Variants in INTS3 observed in about 807,000 individuals in gnomAD.
The protein encoded by INTS3 is SOSS complex subunit A.
In INTS3, 34 loss-of-function variants were observed where a neutral mutation model predicts 146.3. The observed-to-expected ratio is 0.23, with a 90% confidence interval of 0.18 to 0.31. The LOEUF (loss-of-function observed/expected upper bound fraction) is 0.31, where lower values mean the gene tolerates loss of function less well. INTS3 is among the 10% of genes least tolerant of loss of function. The pLI is 1.00. For synonymous variants in INTS3, 475 were observed against 494.9 expected, an observed-to-expected ratio of 0.96 and a Z score of 0.53; for missense variants, 757 against 1,304.2, an observed-to-expected ratio of 0.58 and a Z score of 6.46.
chr1:153,743,218 C>T (rs1671604575), intron 3 of INTS3, among the ~76,000 whole-genome samples: 1 of 152,310 alleles, frequency 6.6e-6, no homozygotes, highest in Non-Finnish European at 1.5e-5. Context: ...TGTAATGCAT[C>T]ATTTTAGGCT....
chr1:153,759,646 C>A, intron 11 of INTS3, 33 bp downstream of exon 11: 2 of 1,399,024 alleles, frequency 1.4e-6, no homozygotes, highest in Non-Finnish European at 1.0e-6. Context: ...CTCCACTTCC[C>A]CATCCCCCTA....
intron 20 of INTS3, chr1:153,767,338 C>T (rs1168617514): frequency 1.2e-5 from 3 of 250,010 alleles, no homozygotes; most frequent in African/African-American, 2.2e-5. Flanking sequence ...TCACTGCCCT[C>T]ATGGTTAGAG....
chr1:153,754,864 T>C, intron 9 of INTS3, 125 bp downstream of exon 9: 2 of 698,396 alleles, frequency 2.9e-6, no homozygotes, highest in Non-Finnish European at 5.2e-6. Context: ...GTACCTGATC[T>C]ACCTGGCTAC....
chr1:153,758,103 G>A (rs542494446), intron 10 of INTS3, among the ~76,000 whole-genome samples: 13 of 152,118 alleles, frequency 8.5e-5, no homozygotes, highest in Non-Finnish European at 1.8e-4. Context: ...TTCAGAGCTT[G>A]CATTCTTTAG....
intron 8 of INTS3, among the ~76,000 whole-genome samples, chr1:153,752,809 A>C (rs1429579908): frequency 1.3e-5 from 2 of 152,142 alleles, no homozygotes; most frequent in African/African-American, 4.8e-5. Flanking sequence ...TAGTCCTGTA[A>C]GAGAAGGCCC....
intron 1 of INTS3, among the ~76,000 whole-genome samples, chr1:153,735,585 C>CTT: frequency 6.6e-6 from 1 of 152,178 alleles, no homozygotes; most frequent in South Asian, 2.1e-4. Flanking sequence ...TGTGCCACTC[C>CTT]TTGTTCACCA....
At chr1:153,771,039 C>A (rs1048098838) in intron 25 of INTS3, among the ~76,000 whole-genome samples, 4 of 151,918 alleles carry the variant, frequency 2.6e-5, no homozygotes, top group South Asian at 4.2e-4. Flanking sequence ...CCCGCCGCGC[C>A]CCCCCCACCG....
At position 153,746,992 on chromosome 1, in the gene INTS3, C is replaced by A; in HGVS notation, c.354C>A (p.Gly118=). The A allele has an allele frequency of 1.2e-6, 2 of 1,613,780 alleles. No homozygotes were observed. Among genetic ancestry groups the A allele is most frequent in the Non-Finnish European group, 1.7e-6 (2 of 1,179,746 alleles). The part of the protein sequence containing the change: ...YRDLALVSRD[G]MNIVLNKINQ... ...ACTTAGCTCTGGTGAGTCGTGATGGCATGAATATTGTCCTGAATAAAATCA... is the reference window on the plus strand; with the variant it reads ...ACTTAGCTCTGGTGAGTCGTGATGGAATGAATATTGTCCTGAATAAAATCA... Residue 118 remains glycine (G), a synonymous_variant, in exon 4 of 30, where the codon GGC becomes GGA. Transcript: ENST00000318967.
intron 20 of INTS3, chr1:153,767,449 T>G: frequency 2.2e-6 from 1 of 452,164 alleles, no homozygotes; most frequent in Non-Finnish European, 3.9e-6. Context: ...TGATCGTGGT[T>G]GGAGCCCTTT....
At position 153,769,740 on chromosome 1, in the gene INTS3, G is replaced by A. The variant is rs771718384; in HGVS notation, c.2314-29G>A. On this transcript the variant is annotated intron_variant, in intron 22 of 29. Transcript: ENST00000318967. ...TTCCTGGCCCCTTTCAGAGCTGATGGGTTCTGCCTCCTTCCTCCACCTCCT... is the reference window on the plus strand; with the variant it reads ...TTCCTGGCCCCTTTCAGAGCTGATGAGTTCTGCCTCCTTCCTCCACCTCCT... 3.9e-6 allele frequency: 6 copies of A among 1,520,434 alleles called. No homozygotes were observed. The Admixed American group carries it at 1.0e-4, about 25-fold the overall frequency. The allele number at this position is 1,520,434 out of a possible 1,614,324, so 94.2% of individuals were successfully genotyped here.
chr1:153,760,231 TCAAAAAAAAAAA>T, intron 11 of INTS3, 68 bp from the exon 12 acceptor site: 2 of 721,984 alleles, frequency 2.8e-6, no homozygotes, highest in South Asian at 3.6e-5. Context: ...AGACTCTGTT[TCAAAAAAAAAAA>T]AAAAAAAAAA....
chr1:153,748,839 G>A, intron 6 of INTS3, 84 bp downstream of exon 6: 1 of 1,113,460 alleles, frequency 9.0e-7, no homozygotes, highest in South Asian at 1.2e-5. Flanking sequence ...TGAAAGGATT[G>A]TGTGGCCCAA....
At position 153,733,869 on chromosome 1, in the gene INTS3, T is replaced by C. The variant is rs552339526; in HGVS notation, c.150+5085T>C. Among the ~76,000 whole-genome samples, 3 of 150,210 alleles carry C rather than the reference T, an allele frequency of 2.0e-5. No individual in the cohort carries two copies. In the East Asian group the frequency reaches 6.0e-4, roughly 30 times the overall value. ...TCGCCCCCCTCAGCCTCCCAGAGTGTTGGGACTACAGGCGTGAGCCACCAC... is the reference window on the plus strand; with the variant it reads ...TCGCCCCCCTCAGCCTCCCAGAGTGCTGGGACTACAGGCGTGAGCCACCAC... On this transcript the variant is annotated intron_variant, in intron 1 of 29. Coordinates refer to ENST00000318967, the MANE Select transcript of INTS3 (RefSeq NM_023015.5).
At chr1:153,761,020 G>C in intron 13 of INTS3, 102 bp downstream of exon 13, 1 of 1,545,744 alleles carries the variant, frequency 6.5e-7, no homozygotes, top group Admixed American at 2.0e-5. Flanking sequence ...TCTCTGACAG[G>C]TGTAAAAAGT....
chr1:153,729,514 C>T (rs1392802038), intron 1 of INTS3, among the ~76,000 whole-genome samples: 1 of 152,182 alleles, frequency 6.6e-6, no homozygotes, highest in Non-Finnish European at 1.5e-5. Context: ...CTCATTCTGC[C>T]ATCTCAGAGT....
chr1:153,741,229 T>G, intron 2 of INTS3, 56 bp from the exon 3 acceptor site: 66 of 1,301,286 alleles, frequency 5.1e-5, no homozygotes, highest in Non-Finnish European at 6.8e-5. Context: ...AAACTGAGTT[T>G]GAGAACTTAC....
intron 1 of INTS3, among the ~76,000 whole-genome samples, chr1:153,729,865 CAA>C (rs59539957): frequency 5.9e-4 from 75 of 127,758 alleles, no homozygotes; most frequent in African/African-American, 1.8e-3. Context: ...GACCCCGTCT[CAA>C]AAAAAAAAAA....
chr1:153,770,617 G>A, intron 24 of INTS3, 68 bp from the exon 25 acceptor site: 1 of 1,339,502 alleles, frequency 7.5e-7, no homozygotes. Flanking sequence ...TGGGGGATGA[G>A]AGAGGTCCCC....
chr1:153,752,966 A>G (rs1672016458), intron 8 of INTS3, among the ~76,000 whole-genome samples: 1 of 151,942 alleles, frequency 6.6e-6, no homozygotes, highest in African/African-American at 2.4e-5. Flanking sequence ...GTTCTGAACA[A>G]TAACTGTACA....
Sources: allele counts gnomAD v4.1 joint callset (sites outside exome capture counted in the v4.1 genomes callset), GRCh38; gene constraint gnomAD v4.1.1; transcripts MANE v1.5; gene names NCBI Gene and HGNC (gene_info 2026-07-23, HGNC 2026-07-21).